The following SARNP variants were observed in gnomAD, a reference collection of about 807,000 sequenced individuals.
The protein encoded by SARNP is SAP domain containing ribonucleoprotein, also known as SAP domain-containing ribonucleoprotein.
In SARNP, 5 loss-of-function variants were observed where a neutral mutation model predicts 38.1. The ratio of observed to expected loss-of-function variants is 0.13; its 90% confidence interval spans 0.07 to 0.28. SARNP has a LOEUF of 0.28. Ranked by LOEUF, SARNP falls within the 10% of genes least tolerant of loss-of-function variation. SARNP has a pLI of 1.00. For synonymous variants in SARNP, 84 were observed against 80.6 expected (o/e 1.04, Z -0.23); for missense variants, 180 against 243.9 (o/e 0.74, Z 1.75).
chr12:55,781,615 T>C (rs186824793), intron 9 of SARNP, among the ~76,000 whole-genome samples: 2 of 151,862 alleles, frequency 1.3e-5, no homozygotes, highest in East Asian at 3.9e-4. Flanking sequence ...TGTGAAGTGG[T>C]TCATCTCCTA....
chr12:55,786,812 C>T (rs1385904994), intron 9 of SARNP, among the ~76,000 whole-genome samples: 2 of 152,180 alleles, frequency 1.3e-5, no homozygotes, highest in Non-Finnish European at 2.9e-5. Flanking sequence ...ATCACATACT[C>T]TGCCTCTCAA....
intron 9 of SARNP, among the ~76,000 whole-genome samples, chr12:55,782,222 A>G (rs1879360029): frequency 6.6e-6 from 1 of 152,240 alleles, no homozygotes; most frequent in African/African-American, 2.4e-5. Flanking sequence ...ATAAGGATAT[A>G]AAATGCTTGT....
chr12:55,813,537 G>C (rs1158729012), intron 1 of SARNP, among the ~76,000 whole-genome samples: 1 of 101,210 alleles, frequency 9.9e-6, no homozygotes, highest in African/African-American at 3.9e-5. Context: ...AGGCTGCCTG[G>C]AATTTTTTTT....
intron 9 of SARNP, 23 bp from the exon 10 acceptor site, chr12:55,760,663 G>A (rs1878647627): frequency 2.0e-6 from 3 of 1,534,356 alleles, no homozygotes; most frequent in African/African-American, 2.7e-5. Context: ...AAAGGAAAGA[G>A]TTGAAACAAA....
chr12:55,789,036 A>T, intron 9 of SARNP, 39 bp downstream of exon 9: 1 of 1,389,302 alleles, frequency 7.2e-7, no homozygotes, highest in Non-Finnish European at 1.0e-6. Flanking sequence ...AAGCTGCTCT[A>T]ATGTCACAAA....
chr12:55,784,838 T>A (rs1301990943), intron 9 of SARNP, among the ~76,000 whole-genome samples: 1 of 152,304 alleles, frequency 6.6e-6, no homozygotes, highest in East Asian at 1.9e-4. Flanking sequence ...ATGTTTAAAT[T>A]AGGATAGTTC....
intron 7 of SARNP, chr12:55,794,019 A>C (rs372003842): frequency 8.7e-5 from 20 of 229,374 alleles, no homozygotes; most frequent in African/African-American, 4.7e-4. Flanking sequence ...CCCTTTTATC[A>C]CTTATAATAG....
intron 9 of SARNP, among the ~76,000 whole-genome samples, chr12:55,765,358 T>TTAAG (rs1878797738): frequency 6.6e-6 from 1 of 152,134 alleles, no homozygotes; most frequent in Admixed American, 6.5e-5. Context: ...CTGCCCACGT[T>TTAAG]TTTTAGAGAC....
intron 2 of SARNP, among the ~76,000 whole-genome samples, chr12:55,801,477 C>T (rs1879978044): frequency 6.6e-6 from 1 of 152,016 alleles, no homozygotes; most frequent in Non-Finnish European, 1.5e-5. Context: ...GGAAAAGTAT[C>T]TTTGAGATTT....
At chr12:55,807,227 T>A (rs949301708) in intron 1 of SARNP, among the ~76,000 whole-genome samples, 3 of 152,206 alleles carry the variant, frequency 2.0e-5, no homozygotes, top group Non-Finnish European at 2.9e-5. Context: ...AGCAGTGACA[T>A]CAAACTGCTA....
intron 9 of SARNP, among the ~76,000 whole-genome samples, chr12:55,768,428 C>T (rs999470161): frequency 1.3e-5 from 2 of 151,102 alleles, no homozygotes; most frequent in African/African-American, 4.9e-5. Flanking sequence ...CCGTGCCCAG[C>T]CCTCTTATTT....
Position 55,805,239 on chromosome 12 carries a change from C to T in SARNP, c.37-1511G>A, listed in dbSNP as rs146824250. ...ATCGACCACTACACTCCAGCCTGGGCGAAAGTGCGAGACTCCGTCTCAAAA... is the reference window on the plus strand; with the variant it reads ...ATCGACCACTACACTCCAGCCTGGGTGAAAGTGCGAGACTCCGTCTCAAAA... On this transcript the variant is annotated intron_variant, in intron 1 of 10. Coordinates refer to ENST00000336133, the MANE Select transcript of SARNP (RefSeq NM_033082.4). Among the ~76,000 whole-genome samples, 736 of 152,102 alleles carry T rather than the reference C, an allele frequency of 4.8e-3. 4 individuals are homozygous for T. The highest frequency in any genetic ancestry group is 0.017 in the African/African-American group (685 of 41,506).
At chr12:55,769,332 G>A (rs1878938669) in intron 9 of SARNP, among the ~76,000 whole-genome samples, 1 of 152,154 alleles carries the variant, frequency 6.6e-6, no homozygotes. Context: ...GGAATACAGA[G>A]ATCAATAAGA....
intron 9 of SARNP, among the ~76,000 whole-genome samples, chr12:55,787,388 C>G (rs1232014967): frequency 6.6e-6 from 1 of 152,110 alleles, no homozygotes; most frequent in African/African-American, 2.4e-5. Context: ...TAAGTTTCTT[C>G]CAATGGCTTT....
At chr12:55,767,865 AAAAAAAGG>A (rs1446651593) in intron 9 of SARNP, among the ~76,000 whole-genome samples, 1 of 150,428 alleles carries the variant, frequency 6.6e-6, no homozygotes, top group African/African-American at 2.4e-5. Flanking sequence ...AAAAAAAAAA[AAAAAAAGG>A]ATATACACAC....
At chr12:55,802,789 G>A (rs1880019627) in intron 2 of SARNP, among the ~76,000 whole-genome samples, 1 of 151,024 alleles carries the variant, frequency 6.6e-6, no homozygotes, top group South Asian at 2.1e-4. Context: ...TAGTAGCAGA[G>A]GCTTGGTGGC....
At chr12:55,810,222 C>T (rs1880284075) in intron 1 of SARNP, among the ~76,000 whole-genome samples, 1 of 152,190 alleles carries the variant, frequency 6.6e-6, no homozygotes, top group Non-Finnish European at 1.5e-5. Context: ...AAATGATCCT[C>T]CTGCCTCAGC....
chr12:55,757,019 A>C (rs1445511243), downstream of SARNP: 1 of 152,366 alleles, frequency 6.6e-6, no homozygotes, highest in Non-Finnish European at 1.5e-5. Context: ...TCAGTGGGTC[A>C]CTACAAGCTG....
intron 4 of SARNP, among the ~76,000 whole-genome samples, chr12:55,798,840 A>G (rs1190128500): frequency 6.6e-6 from 1 of 152,226 alleles, no homozygotes; most frequent in Non-Finnish European, 1.5e-5. Context: ...GTAATTTCCC[A>G]TAATAAGCTA....
Sources: gnomAD v4.1 joint callset for allele counts (sites outside exome capture counted in the v4.1 genomes callset) on GRCh38, gnomAD v4.1.1 for gene constraint, MANE v1.5 for transcripts, NCBI Gene and HGNC (gene_info 2026-07-23, HGNC 2026-07-21) for gene names.